Variants in SEMA3A observed in about 807,000 individuals in gnomAD.
The protein encoded by SEMA3A is semaphorin-3A.
A neutral mutation model predicts 97.9 loss-of-function variants in SEMA3A; 29 were observed. The observed-to-expected ratio is 0.30, with a 90% CI of 0.22 to 0.40. The LOEUF is 0.40. Ranked by LOEUF, SEMA3A falls within the 10% of genes least tolerant of loss-of-function variation. The pLI is 1.00. For synonymous variants in SEMA3A, 321 were observed against 323.7 expected (o/e 0.99, Z 0.09); for missense variants, 763 against 951.3 (o/e 0.80, Z 2.60).
At chr7:84,471,846 T>C (rs1367661748) in intron 1 of SEMA3A, among the ~76,000 whole-genome samples, 1 of 152,052 alleles carries the variant, frequency 6.6e-6, no homozygotes, top group African/African-American at 2.4e-5. Context: ...TTTAGATCCC[T>C]TATTCCAATA....
chr7:84,193,348 T>C (rs546845785), intron 1 of SEMA3A, among the ~76,000 whole-genome samples: 2 of 152,118 alleles, frequency 1.3e-5, no homozygotes, highest in South Asian at 4.1e-4. Context: ...TTTTGTGGCA[T>C]AAGAGCAAGG....
At chr7:84,280,233 G>A (rs894099339) in intron 3 of SEMA3A, among the ~76,000 whole-genome samples, 29 of 152,122 alleles carry the variant, frequency 1.9e-4, no homozygotes, top group African/African-American at 6.5e-4. Flanking sequence ...GTCATAGTTC[G>A]GCCTCCCGGT....
chr7:84,487,428 G>A (rs1806603349), intron 1 of SEMA3A, among the ~76,000 whole-genome samples: 1 of 152,228 alleles, frequency 6.6e-6, no homozygotes, highest in Admixed American at 6.5e-5. Context: ...TAGGTCTGCA[G>A]TGTTCCCAAT....
intron 2 of SEMA3A, among the ~76,000 whole-genome samples, chr7:84,370,439 A>G (rs949587044): frequency 6.6e-6 from 1 of 151,696 alleles, no homozygotes; most frequent in Non-Finnish European, 1.5e-5. Flanking sequence ...ACCTCTTAAG[A>G]TAAAATATAA....
rs537612394 is a variant in SEMA3A at position 83,960,975 on chromosome 7, T to A, written c.*396A>T. On this transcript the variant is annotated 3_prime_UTR_variant, in exon 17 of 17. Transcript: ENST00000265362. ...TTGGAATATTCATCAGCTTAGTAAATCCATGCAGTTCATTTTAAACTTTTA... is the reference window on the plus strand; with the variant it reads ...TTGGAATATTCATCAGCTTAGTAAAACCATGCAGTTCATTTTAAACTTTTA... 4.6e-4 allele frequency: 99 copies of A among 213,390 alleles called. 1 individual carries two copies. In the South Asian group the frequency reaches 6.6e-3, roughly 14 times the overall value. The allele number at this position is 213,390 out of a possible 1,614,324, so 13.2% of individuals were successfully genotyped here.
At chr7:84,483,823 T>C (rs976891118) in intron 1 of SEMA3A, among the ~76,000 whole-genome samples, 2 of 151,940 alleles carry the variant, frequency 1.3e-5, no homozygotes, top group Non-Finnish European at 2.9e-5. Context: ...GGTGGGCAGA[T>C]CACCTGAGGT....
In SEMA3A at chr7:83,981,437, G is replaced by A. The variant is rs764946516; in HGVS notation, c.1536C>T (p.Leu512=). The A allele has an allele frequency of 3.7e-6, 6 of 1,613,478 alleles. No homozygotes were observed. In the Admixed American group the frequency reaches 6.7e-5, roughly 18 times the overall value. ...CGTAAATATCACACCGGTGTAAAGG[G>A]AGCTGGGCAACCCCAGCCGTTGAAC... ...YIGSTAGVAQ[L]PLHRCDIYGK... is the part of the protein sequence containing the mutation. The change falls in exon 14 of 17, where the codon CTC becomes CTT. Residue 512 remains leucine (L), a synonymous_variant. Transcript: ENST00000265362.
intron 6 of SEMA3A, among the ~76,000 whole-genome samples, chr7:84,034,226 CGCCTGCCTCG>C (rs1175965279): frequency 2.6e-5 from 4 of 152,052 alleles, no homozygotes; most frequent in Non-Finnish European, 5.9e-5. Context: ...TCAAGGGATC[CGCCTGCCTCG>C]GCCTCCCGAA....
At chr7:84,124,956 A>G (rs1437050307) in intron 3 of SEMA3A, among the ~76,000 whole-genome samples, 2 of 151,972 alleles carry the variant, frequency 1.3e-5, no homozygotes, top group African/African-American at 4.8e-5. Context: ...GAAAAGCAAT[A>G]TTAAAGGATC....
At position 83,958,589 on chromosome 7, in the gene SEMA3A, T is replaced by C. The variant is rs1019920467; in HGVS notation, c.*2782A>G. ...CGTGGGAAAATCTTGCCTTTTAGGA[T>C]GATGTTGAACACATTGAAATGGAGT... On this transcript the variant is annotated 3_prime_UTR_variant, in exon 17 of 17. Transcript: ENST00000265362. 1.3e-5 allele frequency: 2 copies of C among 152,510 alleles called. No homozygotes were observed. Among genetic ancestry groups the C allele is most frequent in the African/African-American group, 4.8e-5 (2 of 41,432 alleles). The allele number at this position is 152,510 out of a possible 1,614,324, so 9.4% of individuals were successfully genotyped here. A position where few individuals can be genotyped will look rare whatever the true frequency, so the allele number is the denominator to read the frequency against.
chr7:84,109,813 G>C (rs559184219), intron 4 of SEMA3A, among the ~76,000 whole-genome samples: 1 of 152,226 alleles, frequency 6.6e-6, no homozygotes, highest in African/African-American at 2.4e-5. Flanking sequence ...GAAGGCTATT[G>C]ATAAGCCAAA....
intron 1 of SEMA3A, among the ~76,000 whole-genome samples, chr7:84,166,590 C>T (rs566714550): frequency 2.2e-5 from 3 of 137,520 alleles, no homozygotes; most frequent in South Asian, 2.4e-4. Context: ...AAAAAATTGC[C>T]GGGGGGGCGC....
intron 2 of SEMA3A, among the ~76,000 whole-genome samples, chr7:84,359,978 G>A (rs1370234985): frequency 2.7e-5 from 4 of 148,234 alleles, no homozygotes; most frequent in Non-Finnish European, 4.5e-5. Context: ...TGGGATCGGC[G>A]GTGATATCCC....
intron 1 of SEMA3A, among the ~76,000 whole-genome samples, chr7:84,460,879 A>C (rs1805819973): frequency 6.6e-6 from 1 of 152,202 alleles, no homozygotes. Context: ...ACTGGCACCT[A>C]AATACTCCAA....
intron 1 of SEMA3A, among the ~76,000 whole-genome samples, chr7:84,150,923 TCCCTGAC>T (rs1386161032): frequency 2.0e-4 from 30 of 149,794 alleles, no homozygotes; most frequent in Middle Eastern, 3.4e-3. Context: ...CTCAAGTGGG[TCCCTGAC>T]CCCTGACCCC....
At chr7:84,113,873 C>T (rs1795346435) in intron 3 of SEMA3A, among the ~76,000 whole-genome samples, 1 of 152,088 alleles carries the variant, frequency 6.6e-6, no homozygotes, top group African/African-American at 2.4e-5. Context: ...ATTCATCACC[C>T]TTAGTGACAA....
At chr7:83,990,251 T>C (rs1431229466) in intron 12 of SEMA3A, among the ~76,000 whole-genome samples, 1 of 152,228 alleles carries the variant, frequency 6.6e-6, no homozygotes, top group Non-Finnish European at 1.5e-5. Flanking sequence ...GCAAAAATTT[T>C]CTCCCATTTT....
chr7:84,457,211 C>G (rs1431859965), intron 1 of SEMA3A, among the ~76,000 whole-genome samples: 2 of 151,622 alleles, frequency 1.3e-5, no homozygotes, highest in African/African-American at 4.8e-5. Context: ...TTCTAGTTTT[C>G]CTGAGTCAGT....
chr7:83,981,482 T>C lies in SEMA3A; in HGVS notation c.1495-4A>G. ...TTGAACCAATATATAGTTGTTGCTG[T>C]GGAAAGAGTTTACTGCTGTGACAAA... On this transcript the variant is annotated splice_polypyrimidine_tract_variant and splice_region_variant and intron_variant, in intron 13 of 16. Coordinates refer to ENST00000265362, the MANE Select transcript of SEMA3A (RefSeq NM_006080.3). 2 of 1,588,570 alleles carry C rather than the reference T, an allele frequency of 1.3e-6. No individual in the cohort carries two copies. Among genetic ancestry groups the C allele is most frequent in the Non-Finnish European group, 1.7e-6 (2 of 1,168,676 alleles).
Sources: gnomAD v4.1 joint callset for allele counts (sites outside exome capture counted in the v4.1 genomes callset) on GRCh38, gnomAD v4.1.1 for gene constraint, MANE v1.5 for transcripts, NCBI Gene and HGNC (gene_info 2026-07-23, HGNC 2026-07-21) for gene names.